GALNT2: variants seen among roughly 807,000 people sequenced by gnomAD.
GALNT2 encodes polypeptide N-acetylgalactosaminyltransferase 2, also known as UDP-GalNAc:polypeptide N-acetylgalactosaminyltransferase 2.
A neutral mutation model predicts 81.4 loss-of-function variants in GALNT2; 31 were observed. The observed-to-expected ratio is 0.38, with a 90% CI of 0.29 to 0.51. The LOEUF is 0.51. Among genes scored for constraint, GALNT2 ranks in the 20% least tolerant of loss-of-function variants. GALNT2 has a pLI of 0.87. For synonymous variants in GALNT2, 303 were observed against 287.4 expected (o/e 1.05, Z -0.55); for missense variants, 629 against 765.7 (o/e 0.82, Z 2.11).
intron 1 of GALNT2, among the ~76,000 whole-genome samples, chr1:230,100,998 A>G (rs1282084483): frequency 6.6e-6 from 1 of 152,218 alleles, no homozygotes; most frequent in Non-Finnish European, 1.5e-5. Context: ...AACAAATACC[A>G]TTGTGTTACC....
intron 8 of GALNT2, 107 bp downstream of exon 8, chr1:230,246,257 C>A (rs562056649): frequency 1.2e-5 from 11 of 881,916 alleles, no homozygotes; most frequent in Non-Finnish European, 2.1e-5. Context: ...GTGTTCACGC[C>A]GTAGTGTGTG....
At chr1:230,130,289 G>T (rs1271909972) in intron 1 of GALNT2, among the ~76,000 whole-genome samples, 2 of 152,162 alleles carry the variant, frequency 1.3e-5, no homozygotes, top group African/African-American at 2.4e-5. Context: ...CAGCGCTGCC[G>T]CAGCCAGGCC....
intron 1 of GALNT2, among the ~76,000 whole-genome samples, chr1:230,069,266 T>TTTTTGTTTTG (rs956477390): frequency 6.7e-6 from 1 of 148,706 alleles, no homozygotes; most frequent in Non-Finnish European, 1.5e-5. Context: ...AGTTTGTTTT[T>TTTTTGTTTTG]TTTTGTTTTG....
At chr1:230,258,440 G>T (rs976412622) in intron 11 of GALNT2, among the ~76,000 whole-genome samples, 2 of 150,854 alleles carry the variant, frequency 1.3e-5, no homozygotes, top group Non-Finnish European at 2.9e-5. Context: ...GGCCAAACTG[G>T]TCTTGAACTC....
chr1:230,250,550 A>G lies in GALNT2; in HGVS notation c.999A>G (p.Gly333=). The G allele has an allele frequency of 6.2e-7, 1 of 1,610,816 alleles. No homozygotes were observed. Among genetic ancestry groups the G allele is most frequent in the African/African-American group, 1.3e-5 (1 of 74,928 alleles). The change falls in exon 10 of 16, where the codon GGA becomes GGG. Residue 333 remains glycine (G), a synonymous_variant. Transcript: ENST00000366672. Reference sequence around the variant, plus strand: ...ACATGATGATGGATGTGTGGGGAGGAGAGAACCTAGGTATGTACAAGCCTC... The same window carrying G: ...ACATGATGATGGATGTGTGGGGAGGGGAGAACCTAGGTATGTACAAGCCTC... ...KYDMMMDVWG[G]ENLEISFRVW...
At chr1:230,164,067 G>T (rs1662521601) in intron 1 of GALNT2, among the ~76,000 whole-genome samples, 2 of 152,136 alleles carry the variant, frequency 1.3e-5, no homozygotes, top group Admixed American at 6.5e-5. Flanking sequence ...AATAAAAGGG[G>T]TATTAAATAC....
intron 3 of GALNT2, among the ~76,000 whole-genome samples, chr1:230,214,546 T>C (rs1233698984): frequency 6.6e-6 from 1 of 152,268 alleles, no homozygotes; most frequent in Non-Finnish European, 1.5e-5. Context: ...GTTAGTCTTG[T>C]TCTTTTTGAA....
At chr1:230,067,142 A>T (rs1349805694), upstream of GALNT2, 1 of 282,964 alleles carries the variant, frequency 3.5e-6, no homozygotes, top group East Asian at 1.0e-4. Flanking sequence ...GCCGCCGAGC[A>T]GTAGCACCGC....
intron 3 of GALNT2, among the ~76,000 whole-genome samples, chr1:230,232,530 T>A (rs1664897077): frequency 6.6e-6 from 1 of 152,208 alleles, no homozygotes; most frequent in African/African-American, 2.4e-5. Context: ...TTATGTCTCT[T>A]TTTAAATTCT....
At chr1:230,108,829 T>C (rs947435969) in intron 1 of GALNT2, among the ~76,000 whole-genome samples, 1 of 147,412 alleles carries the variant, frequency 6.8e-6, no homozygotes, top group Non-Finnish European at 1.5e-5. Context: ...TGCCCGGCAT[T>C]GTCAGAGACT....
chr1:230,074,337 C>G (rs1659468631), intron 1 of GALNT2, among the ~76,000 whole-genome samples: 1 of 152,192 alleles, frequency 6.6e-6, no homozygotes, highest in African/African-American at 2.4e-5. Context: ...CCTTGGCCTC[C>G]CAAAGCATTG....
At chr1:230,156,231 GAA>G (rs59730599) in intron 1 of GALNT2, among the ~76,000 whole-genome samples, 16,175 of 126,902 alleles carry the variant, frequency 0.13, 1,026 homozygotes, top group Middle Eastern at 0.19. Flanking sequence ...GAGAGAGAGA[GAA>G]AGAGAGAGAG....
intron 3 of GALNT2, among the ~76,000 whole-genome samples, chr1:230,215,869 T>TTG (rs1664375523): frequency 1.3e-5 from 2 of 152,218 alleles, no homozygotes; most frequent in Non-Finnish European, 2.9e-5. Context: ...GACTAGTGGC[T>TTG]TGTATATATA....
At chr1:230,155,649 C>T (rs1016793426) in intron 1 of GALNT2, among the ~76,000 whole-genome samples, 3 of 152,136 alleles carry the variant, frequency 2.0e-5, no homozygotes, top group Non-Finnish European at 4.4e-5. Flanking sequence ...AGGACTGGAG[C>T]TTTTGTCATT....
chr1:230,191,053 A>C (rs531349242), intron 2 of GALNT2, among the ~76,000 whole-genome samples: 2 of 152,286 alleles, frequency 1.3e-5, no homozygotes, highest in East Asian at 3.9e-4. Context: ...AAAAATCTTC[A>C]TTGTCCTTCT....
intron 1 of GALNT2, among the ~76,000 whole-genome samples, chr1:230,061,218 GTGTGT>G (rs1659039303): frequency 6.6e-6 from 1 of 151,670 alleles, no homozygotes; most frequent in Non-Finnish European, 1.5e-5. Flanking sequence ...GTGTGTGTGT[GTGTGT>G]GTCTGTATGA....
chr1:230,090,195 A>G (rs1571949292), intron 1 of GALNT2, among the ~76,000 whole-genome samples: 1 of 152,176 alleles, frequency 6.6e-6, no homozygotes, highest in South Asian at 2.1e-4. Context: ...AATGAATGTA[A>G]TTTCCAAGGA....
chr1:230,173,181 T>C (rs1319577419), intron 1 of GALNT2, among the ~76,000 whole-genome samples: 1 of 152,186 alleles, frequency 6.6e-6, no homozygotes, highest in Non-Finnish European at 1.5e-5. Context: ...CAGATGCCAT[T>C]TACAAAGGGA....
At chr1:230,186,849 G>T (rs1185950579) in intron 2 of GALNT2, among the ~76,000 whole-genome samples, 1 of 152,154 alleles carries the variant, frequency 6.6e-6, no homozygotes, top group Non-Finnish European at 1.5e-5. Flanking sequence ...TTGCCAAAGG[G>T]CTTTCTTTCC....
Sources: allele counts gnomAD v4.1 joint callset (sites outside exome capture counted in the v4.1 genomes callset), GRCh38; gene constraint gnomAD v4.1.1; transcripts MANE v1.5; gene names NCBI Gene and HGNC (gene_info 2026-07-23, HGNC 2026-07-21).